Variants in NALCN observed in about 807,000 individuals in gnomAD.
NALCN encodes sodium leak channel NALCN.
NALCN carries 111 observed loss-of-function variants against 225.3 expected under a neutral mutation model. The ratio of observed to expected loss-of-function variants is 0.49; its 90% CI spans 0.42 to 0.58. The LOEUF (loss-of-function observed/expected upper bound fraction) is 0.58, where lower values mean the gene tolerates loss of function less well. Among genes scored for constraint, NALCN ranks in the 20% least tolerant of loss-of-function variants. NALCN has a pLI of 0.00. For synonymous variants in NALCN, 764 were observed against 769.0 expected, an observed-to-expected ratio of 0.99 and a Z score of 0.11; for missense variants, 1,378 against 2,202.4, an observed-to-expected ratio of 0.63 and a Z score of 7.49.
intron 31 of NALCN, 88 bp downstream of exon 31, chr13:101,083,623 C>G (rs1332445932): frequency 2.3e-6 from 3 of 1,326,958 alleles, no homozygotes; most frequent in Non-Finnish European, 3.2e-6. Flanking sequence ...AGCGGCCTCA[C>G]GATTATTATT....
intron 3 of NALCN, among the ~76,000 whole-genome samples, chr13:101,389,135 A>C (rs567604091): frequency 2.6e-5 from 4 of 152,322 alleles, no homozygotes; most frequent in East Asian, 1.9e-4. Context: ...GCCTAGCCAC[A>C]TTGTGGAAGA....
At chr13:101,359,793 C>A (rs1198562740) in intron 6 of NALCN, among the ~76,000 whole-genome samples, 1 of 152,120 alleles carries the variant, frequency 6.6e-6, no homozygotes, top group Non-Finnish European at 1.5e-5. Flanking sequence ...ACAAAATATT[C>A]TTCTTTGGCC....
intron 10 of NALCN, among the ~76,000 whole-genome samples, chr13:101,270,659 C>T (rs2042747262): frequency 6.6e-6 from 1 of 152,156 alleles, no homozygotes; most frequent in Non-Finnish European, 1.5e-5. Flanking sequence ...ACTGAACTGC[C>T]TGATACACAA....
intron 27 of NALCN, among the ~76,000 whole-genome samples, chr13:101,098,433 T>A (rs1284002372): frequency 6.6e-6 from 1 of 152,132 alleles, no homozygotes; most frequent in East Asian, 1.9e-4. Flanking sequence ...TGACTATTTG[T>A]CAAAAGGTAT....
At chr13:101,322,675 G>A (rs2044787681) in intron 7 of NALCN, among the ~76,000 whole-genome samples, 1 of 152,006 alleles carries the variant, frequency 6.6e-6, no homozygotes, top group Non-Finnish European at 1.5e-5. Context: ...TAGAAGTATT[G>A]AAACTAATTT....
chr13:101,310,479 C>T (rs1356489485), intron 7 of NALCN, among the ~76,000 whole-genome samples: 2 of 152,132 alleles, frequency 1.3e-5, no homozygotes, highest in Non-Finnish European at 1.5e-5. Context: ...TTGCCCCTTC[C>T]CAACTACTAC....
intron 10 of NALCN, among the ~76,000 whole-genome samples, chr13:101,274,104 C>T (rs187918215): frequency 6.6e-6 from 1 of 152,170 alleles, no homozygotes; most frequent in African/African-American, 2.4e-5. Context: ...CCCTATCATC[C>T]GGAGAGCCAT....
chr13:101,156,413 C>T (rs186633927), intron 15 of NALCN, among the ~76,000 whole-genome samples: 153 of 152,172 alleles, frequency 1.0e-3, no homozygotes, highest in Non-Finnish European at 1.6e-3. Context: ...GCAGAAAGAG[C>T]GGGGAAATAC....
chr13:101,266,991 G>A (rs951951554), intron 10 of NALCN, among the ~76,000 whole-genome samples: 5 of 152,184 alleles, frequency 3.3e-5, no homozygotes, highest in Non-Finnish European at 5.9e-5. Context: ...GTCTGTTCCT[G>A]ATGCGTCCTT....
intron 1 of NALCN, among the ~76,000 whole-genome samples, chr13:101,410,169 GAC>G (rs1410536076): frequency 6.6e-6 from 1 of 152,208 alleles, no homozygotes; most frequent in East Asian, 1.9e-4. Context: ...AGCTAACTAA[GAC>G]ACTCAAGCTG....
Position 101,144,885 on chromosome 13 carries a change from ACTTTG to A in NALCN, c.1846_1850del (p.Gln616Ter). 2 of 1,608,746 alleles carry A rather than the reference ACTTTG, an allele frequency of 1.2e-6. No individual in the cohort carries two copies. The highest frequency in any genetic ancestry group is 1.7e-6 in the Non-Finnish European group (2 of 1,178,454). On this transcript the variant is annotated frameshift_variant, in exon 16 of 44. Coordinates refer to ENST00000251127, the MANE Select transcript of NALCN (RefSeq NM_052867.4). LOFTEE classifies it high-confidence loss of function. ...TTTCTTTGGTGTCCGCATTTGCTTC[ACTTTG>A]CTTTAACTAAAGAAAAATTGGAAAG...
At chr13:101,161,233 C>T (rs1186245890) in intron 15 of NALCN, among the ~76,000 whole-genome samples, 1 of 152,196 alleles carries the variant, frequency 6.6e-6, no homozygotes, top group Non-Finnish European at 1.5e-5. Context: ...TATCTCTAGG[C>T]AGCCATCCTT....
chr13:101,072,965 G>A (rs765416433), intron 37 of NALCN, among the ~76,000 whole-genome samples: 5 of 152,094 alleles, frequency 3.3e-5, no homozygotes, highest in Non-Finnish European at 5.9e-5. Flanking sequence ...GTGAGAAAGA[G>A]ATAAAATAAA....
intron 11 of NALCN, among the ~76,000 whole-genome samples, chr13:101,250,255 C>G (rs997917555): frequency 6.6e-6 from 1 of 151,960 alleles, no homozygotes; most frequent in Non-Finnish European, 1.5e-5. Flanking sequence ...ATTAAAATCT[C>G]ATTACTAAAA....
chr13:101,240,149 T>C (rs958342993), intron 11 of NALCN, among the ~76,000 whole-genome samples: 9 of 152,044 alleles, frequency 5.9e-5, no homozygotes, highest in African/African-American at 2.2e-4. Context: ...AAACATAAAA[T>C]TTACATGTTC....
intron 15 of NALCN, among the ~76,000 whole-genome samples, chr13:101,152,997 TACAC>T (rs373585312): frequency 2.0e-5 from 3 of 151,684 alleles, no homozygotes; most frequent in Non-Finnish European, 2.9e-5. Context: ...GAATTCAGGA[TACAC>T]ACACACACAC....
intron 6 of NALCN, among the ~76,000 whole-genome samples, chr13:101,345,833 A>C (rs983533857): frequency 1.4e-5 from 2 of 144,798 alleles, no homozygotes; most frequent in Non-Finnish European, 3.0e-5. Context: ...TATGTTGTAG[A>C]TACCAAATCA....
rs1016271934 is a variant in NALCN, at chr13:101,054,461, AT to A, written c.*833del. On this transcript the variant is annotated 3_prime_UTR_variant, in exon 44 of 44. Transcript: ENST00000251127. Reference sequence around the variant, plus strand: ...CAATGATAACATCACACATGCAAAGATTTTTTTAAATAAATTGAGCTATATA... The same window carrying A: ...CAATGATAACATCACACATGCAAAGATTTTTTAAATAAATTGAGCTATATA... 1 of 152,290 alleles carries A rather than the reference AT, an allele frequency of 6.6e-6. No homozygotes were observed. The highest frequency in any genetic ancestry group is 2.4e-5 in the African/African-American group (1 of 41,564). The allele number at this position is 152,290 out of a possible 1,614,324, so 9.4% of individuals were successfully genotyped here.
intron 41 of NALCN, 65 bp from the exon 42 acceptor site, chr13:101,060,032 CA>C: frequency 3.8e-6 from 6 of 1,577,368 alleles, no homozygotes; most frequent in Non-Finnish European, 5.2e-6. Context: ...CACCGCCACA[CA>C]AATCTTATTT....
Sources: gnomAD v4.1 joint callset for allele counts (sites outside exome capture counted in the v4.1 genomes callset) on GRCh38, gnomAD v4.1.1 for gene constraint, MANE v1.5 for transcripts, NCBI Gene and HGNC (gene_info 2026-07-23, HGNC 2026-07-21) for gene names.